Variants in IAPP observed in about 807,000 individuals in gnomAD.
IAPP encodes islet amyloid polypeptide, also known as Islet amyloid polypeptide (diabetes-associated peptide; amylin).
A neutral mutation model predicts 2.9 loss-of-function variants in IAPP; 4 were observed. That is an observed-to-expected ratio of 1.39 (90% CI 0.69 to 3.19). IAPP has a LOEUF of 3.19. Among genes scored for constraint, IAPP ranks in the 30% most tolerant of loss-of-function variants. The probability of loss-of-function intolerance (pLI) is 0.01; values close to 1 mark genes in which losing one functional copy is unlikely to be tolerated. For missense variants in IAPP, 114 were observed against 105.3 expected (o/e 1.08, Z -0.36); for synonymous variants, 40 against 42.1 (o/e 0.95, Z 0.19).
At chr12:21,360,847 C>A (rs1234656885) in intron 1 of IAPP, among the ~76,000 whole-genome samples, 1 of 152,186 alleles carries the variant, frequency 6.6e-6, no homozygotes, top group Non-Finnish European at 1.5e-5. Flanking sequence ...GGAGGGGCGT[C>A]CGCCATTGCT....
chr12:21,374,447 A>G (rs1940037490), intron 2 of IAPP: 2 of 152,274 alleles, frequency 1.3e-5, no homozygotes, highest in East Asian at 1.9e-4. Flanking sequence ...CATTAGAATG[A>G]TCGTCATCTT....
At chr12:21,357,265 C>T (rs903112291) in intron 1 of IAPP, among the ~76,000 whole-genome samples, 4 of 151,910 alleles carry the variant, frequency 2.6e-5, no homozygotes, top group Admixed American at 6.6e-5. Flanking sequence ...AACTGGTGGA[C>T]GTATAAAAAG....
intron 2 of IAPP, 112 bp downstream of exon 2, chr12:21,373,543 A>G: frequency 1.3e-6 from 1 of 765,400 alleles, no homozygotes; most frequent in African/African-American, 1.7e-5. Flanking sequence ...ATCATACTTA[A>G]GAACAGTACC....
chr12:21,355,196 AGAG>A (rs1490087736), intron 1 of IAPP, among the ~76,000 whole-genome samples: 1 of 152,170 alleles, frequency 6.6e-6, no homozygotes, highest in African/African-American at 2.4e-5. Flanking sequence ...AATCATTTCT[AGAG>A]GAGTATGGAT....
At chr12:21,364,444 C>G (rs969439365) in intron 1 of IAPP, among the ~76,000 whole-genome samples, 1 of 152,136 alleles carries the variant, frequency 6.6e-6, no homozygotes, top group Non-Finnish European at 1.5e-5. Context: ...CAATATCATA[C>G]TGAATGGGCA....
chr12:21,370,109 C>A (rs954528237), upstream of IAPP, among the ~76,000 whole-genome samples: 22 of 152,084 alleles, frequency 1.4e-4, no homozygotes, highest in African/African-American at 4.8e-4. Context: ...AAACAAATAT[C>A]CTGGATCAGA....
intron 1 of IAPP, among the ~76,000 whole-genome samples, chr12:21,359,879 C>A (rs1406279193): frequency 1.3e-5 from 2 of 152,070 alleles, no homozygotes; most frequent in Non-Finnish European, 2.9e-5. Context: ...TAGCCTCAAA[C>A]TAGAAACAAC....
intron 1 of IAPP, among the ~76,000 whole-genome samples, chr12:21,362,982 TCAA>T (rs1268809667): frequency 5.9e-5 from 9 of 152,068 alleles, no homozygotes; most frequent in African/African-American, 2.2e-4. Flanking sequence ...ATTAGACAGA[TCAA>T]CAAGACAGAA....
At chr12:21,375,374 T>A (rs1940116092) in intron 2 of IAPP, among the ~76,000 whole-genome samples, 1 of 152,218 alleles carries the variant, frequency 6.6e-6, no homozygotes, top group Non-Finnish European at 1.5e-5. Context: ...CTATTCTACA[T>A]ATCTCACAGA....
In IAPP at chr12:21,378,582, TACTA is replaced by T. The variant is rs1222290820; in HGVS notation, c.*162_*165del. The T allele has an allele frequency of 6.5e-6, 4 of 610,998 alleles. No individual in the cohort carries two copies. The highest frequency in any genetic ancestry group is 1.8e-5 in the African/African-American group (1 of 54,392). 37.8% of individuals were successfully genotyped at this position (610,998 alleles called of 1,614,324 possible). A position where few individuals can be genotyped will look rare whatever the true frequency, so the allele number is the denominator to read the frequency against. On this transcript the variant is annotated 3_prime_UTR_variant, in exon 3 of 3. Transcript: ENST00000240652. ...TCTCAAAAGATTGTTTTATATGTAG[TACTA>T]ACTAAGGTCCCATAATAAAAAGATA...
At chr12:21,368,032 T>C (rs1474335787), upstream of IAPP, among the ~76,000 whole-genome samples, 2 of 152,076 alleles carry the variant, frequency 1.3e-5, no homozygotes, top group Non-Finnish European at 2.9e-5. Flanking sequence ...TTCAGGCAAT[T>C]ATCAGCAAAG....
At chr12:21,375,855 G>T (rs1408147713) in intron 2 of IAPP, among the ~76,000 whole-genome samples, 1 of 152,150 alleles carries the variant, frequency 6.6e-6, no homozygotes, top group African/African-American at 2.4e-5. Flanking sequence ...GTGGTCTACA[G>T]CTTTAATGTT....
intron 1 of IAPP, among the ~76,000 whole-genome samples, chr12:21,366,691 C>T (rs2045941): frequency 4.6e-5 from 7 of 151,668 alleles, no homozygotes; most frequent in East Asian, 1.9e-4. Flanking sequence ...TCAGAGATAA[C>T]GATGGATATT....
chr12:21,357,601 G>A (rs1450938803), intron 1 of IAPP, among the ~76,000 whole-genome samples: 1 of 152,184 alleles, frequency 6.6e-6, no homozygotes, highest in Non-Finnish European at 1.5e-5. Context: ...TAAGGATTTA[G>A]CGTCCAATAG....
Position 21,378,537 on chromosome 12 carries a change from T to C in IAPP, c.*111T>C, listed in dbSNP as rs1349813141. ...ATATATGGTCTGTGTGTCTGATGTTTGTTGCTAGGACATATACCTTCTCAA... is the reference window on the plus strand; with the variant it reads ...ATATATGGTCTGTGTGTCTGATGTTCGTTGCTAGGACATATACCTTCTCAA... On this transcript the variant is annotated 3_prime_UTR_variant, in exon 3 of 3. Transcript: ENST00000240652. 1.4e-5 allele frequency: 13 copies of C among 908,680 alleles called. No individual in the cohort carries two copies. The Admixed American group carries it at 1.7e-4, about 12-fold the overall frequency. The allele number at this position is 908,680 out of a possible 1,614,324, so 56.3% of individuals were successfully genotyped here. A position where few individuals can be genotyped will look rare whatever the true frequency, so the allele number is the denominator to read the frequency against.
upstream of IAPP, among the ~76,000 whole-genome samples, chr12:21,372,249 T>C (rs1319253824): frequency 6.6e-6 from 1 of 152,200 alleles, no homozygotes; most frequent in Non-Finnish European, 1.5e-5. Context: ...CATATACCTA[T>C]GGATCTCTAT....
At chr12:21,376,729 G>A (rs1940223124) in intron 2 of IAPP, among the ~76,000 whole-genome samples, 1 of 151,906 alleles carries the variant, frequency 6.6e-6, no homozygotes, top group South Asian at 2.1e-4. Context: ...CTTAGAGATA[G>A]AGATAATGAA....
At position 21,373,369 on chromosome 12, in the gene IAPP, G is replaced by T. The variant is rs1168014772; in HGVS notation, c.18G>T (p.Leu6=). The T allele has an allele frequency of 3.1e-6, 5 of 1,612,962 alleles. No homozygotes were observed. The highest frequency in any genetic ancestry group is 2.7e-5 in the African/African-American group (2 of 74,886). The change falls in exon 2 of 3, where the codon CTG becomes CTT. Residue 6 remains leucine, a synonymous_variant. Transcript: ENST00000240652. MGILK[L]QVFLIVLSVA... Reference sequence around the variant, plus strand: ...GAGAAGCAATGGGCATCCTGAAGCTGCAAGTATTTCTCATTGTGCTCTCTG... The same window carrying T: ...GAGAAGCAATGGGCATCCTGAAGCTTCAAGTATTTCTCATTGTGCTCTCTG...
In IAPP at chr12:21,376,245, T is replaced by C. The variant is rs866892804; in HGVS notation, c.81-1992T>C. 9.7e-5 allele frequency: 21 copies of C among 216,764 alleles called. 2 individuals carry two copies. The highest frequency in any genetic ancestry group is 9.4e-4 in the Middle Eastern group (2 of 2,118). 13.4% of individuals were successfully genotyped at this position (216,764 alleles called of 1,614,324 possible). A position where few individuals can be genotyped will look rare whatever the true frequency, so the allele number is the denominator to read the frequency against. ...TTCACACTGTGCTTCAGTCATATGC[T>C]AAACATATCTTGGAACAGATATTAC... is the stretch of plus-strand genomic sequence containing the variant. On this transcript the variant is annotated intron_variant, in intron 2 of 2. Coordinates refer to ENST00000240652, the MANE Select transcript of IAPP (RefSeq NM_000415.3).
Sources: gnomAD v4.1 joint callset for allele counts (sites outside exome capture counted in the v4.1 genomes callset) on GRCh38, gnomAD v4.1.1 for gene constraint, MANE v1.5 for transcripts, NCBI Gene and HGNC (gene_info 2026-07-23, HGNC 2026-07-21) for gene names.